The following SPIDR variants were observed in gnomAD, a reference collection of about 807,000 sequenced individuals.
The protein encoded by SPIDR is DNA repair-scaffolding protein.
Under a neutral mutation model 104.6 loss-of-function variants are expected in SPIDR, and 93 were observed. The observed-to-expected ratio is 0.89, with a 90% CI of 0.75 to 1.06. SPIDR has a LOEUF of 1.06. Ranked by LOEUF, SPIDR falls within the 50% of genes least tolerant of loss-of-function variation. The pLI, the probability that SPIDR is intolerant of heterozygous loss-of-function variation, is 0.00. For synonymous variants in SPIDR, 431 were observed against 416.9 expected (o/e 1.03, Z -0.41); for missense variants, 1,154 against 1,111.2 (o/e 1.04, Z -0.55).
intron 1 of SPIDR, among the ~76,000 whole-genome samples, chr8:47,271,543 T>C (rs1414525607): frequency 2.0e-5 from 3 of 152,180 alleles, no homozygotes; most frequent in African/African-American, 7.2e-5. Flanking sequence ...TTTCAACTCC[T>C]GAATTTCTGT....
chr8:47,355,271 TAAAAA>T (rs34902790), intron 5 of SPIDR, among the ~76,000 whole-genome samples: 3 of 116,568 alleles, frequency 2.6e-5, no homozygotes, highest in Non-Finnish European at 5.2e-5. Flanking sequence ...AGGTTTTTTG[TAAAAA>T]AAAAAAAAAA....
chr8:47,383,611 T>G (rs1407102321), intron 5 of SPIDR, among the ~76,000 whole-genome samples: 2 of 152,212 alleles, frequency 1.3e-5, no homozygotes, highest in African/African-American at 4.8e-5. Context: ...TGGGTGAATT[T>G]GCCCAAGTTC....
At chr8:47,262,095 A>G (rs1281721933) in intron 1 of SPIDR, among the ~76,000 whole-genome samples, 1 of 152,160 alleles carries the variant, frequency 6.6e-6, no homozygotes, top group Non-Finnish European at 1.5e-5. Context: ...GCTTTTTCAC[A>G]TGTTCCATAT....
intron 8 of SPIDR, among the ~76,000 whole-genome samples, chr8:47,533,656 G>A (rs2086398697): frequency 1.3e-5 from 2 of 151,912 alleles, no homozygotes; most frequent in African/African-American, 4.8e-5. Context: ...CAAGCATATG[G>A]GGGAAAAAAA....
intron 8 of SPIDR, among the ~76,000 whole-genome samples, chr8:47,525,056 C>A (rs1481857449): frequency 2.0e-5 from 3 of 152,228 alleles, no homozygotes; most frequent in Non-Finnish European, 4.4e-5. Flanking sequence ...TGATCCGAGG[C>A]ATTCTTCCCG....
intron 5 of SPIDR, among the ~76,000 whole-genome samples, chr8:47,320,941 C>T (rs1022110342): frequency 9.9e-5 from 15 of 152,098 alleles, no homozygotes; most frequent in Admixed American, 7.2e-4. Context: ...ATTGATGGGA[C>T]GTATCTCAAA....
intron 10 of SPIDR, among the ~76,000 whole-genome samples, chr8:47,625,854 CA>C (rs2065994227): frequency 6.6e-6 from 1 of 152,188 alleles, no homozygotes; most frequent in Non-Finnish European, 1.5e-5. Flanking sequence ...ATCAAGCTAC[CA>C]GTGACTTTCT....
intron 5 of SPIDR, among the ~76,000 whole-genome samples, chr8:47,330,447 T>C (rs1342200495): frequency 2.0e-5 from 3 of 152,216 alleles, no homozygotes; most frequent in African/African-American, 7.2e-5. Context: ...TATAAAAATA[T>C]ATGTCTACCA....
intron 5 of SPIDR, among the ~76,000 whole-genome samples, chr8:47,379,014 C>T (rs1165037593): frequency 6.6e-6 from 1 of 152,158 alleles, no homozygotes; most frequent in Non-Finnish European, 1.5e-5. Flanking sequence ...TTATCTGGCC[C>T]CTAAACCCAA....
chr8:47,684,607 A>G (rs537159941), intron 11 of SPIDR, among the ~76,000 whole-genome samples: 4 of 152,350 alleles, frequency 2.6e-5, no homozygotes, highest in African/African-American at 9.6e-5. Flanking sequence ...ACCTTGTGCA[A>G]TGTAAACCAC....
chr8:47,567,151 C>G (rs2057960181), intron 8 of SPIDR, among the ~76,000 whole-genome samples: 1 of 151,740 alleles, frequency 6.6e-6, no homozygotes, highest in Non-Finnish European at 1.5e-5. Context: ...GTCTTTTTTT[C>G]TGGTTGCATT....
intron 8 of SPIDR, among the ~76,000 whole-genome samples, chr8:47,455,427 A>G (rs1389430937): frequency 6.6e-6 from 1 of 152,134 alleles, no homozygotes; most frequent in African/African-American, 2.4e-5. Flanking sequence ...ACACAAAAAA[A>G]ACAGAAAAAT....
intron 16 of SPIDR, 91 bp downstream of exon 16, chr8:47,713,732 G>T: frequency 6.6e-7 from 1 of 1,511,726 alleles, no homozygotes; most frequent in East Asian, 2.3e-5. Context: ...AAGTATTTGT[G>T]GAGCACCCGC....
chr8:47,607,996 T>C (rs2063167310), intron 10 of SPIDR, among the ~76,000 whole-genome samples: 1 of 152,200 alleles, frequency 6.6e-6, no homozygotes, highest in African/African-American at 2.4e-5. Flanking sequence ...ATTTAAAGTG[T>C]ACAATTCAAT....
chr8:47,540,590 T>G (rs1031588425), intron 8 of SPIDR, among the ~76,000 whole-genome samples: 8 of 152,194 alleles, frequency 5.3e-5, no homozygotes, highest in African/African-American at 1.9e-4. Flanking sequence ...AACTACATCT[T>G]TAGTTTAGAA....
intron 8 of SPIDR, among the ~76,000 whole-genome samples, chr8:47,550,110 A>G (rs141689430): frequency 0.018 from 2,753 of 152,062 alleles, 86 homozygotes; most frequent in African/African-American, 0.064. Context: ...GCTCTGTTCT[A>G]TTCCATTGGT....
chr8:47,446,872 AC>A (rs1554702218), intron 8 of SPIDR, among the ~76,000 whole-genome samples: 9 of 152,182 alleles, frequency 5.9e-5, no homozygotes, highest in Non-Finnish European at 1.3e-4. Context: ...GGTGTGAACT[AC>A]CATGTCCAGC....
intron 11 of SPIDR, chr8:47,688,533 A>G (rs979565954): frequency 4.6e-5 from 7 of 152,250 alleles, no homozygotes; most frequent in Non-Finnish European, 8.8e-5. Flanking sequence ...GTTTTAAACC[A>G]ATAAACCTTG....
chr8:47,457,079 A>AT (rs1375369167), intron 8 of SPIDR, among the ~76,000 whole-genome samples: 3 of 152,010 alleles, frequency 2.0e-5, no homozygotes, highest in Non-Finnish European at 4.4e-5. Context: ...ATGTGCCAGT[A>AT]TTTTTTTCCT....
Sources: gnomAD v4.1 joint callset for allele counts (sites outside exome capture counted in the v4.1 genomes callset) on GRCh38, gnomAD v4.1.1 for gene constraint, MANE v1.5 for transcripts, NCBI Gene and HGNC (gene_info 2026-07-23, HGNC 2026-07-21) for gene names.